KCNIP4: variants seen among roughly 807,000 people sequenced by gnomAD.
The protein encoded by KCNIP4 is Kv channel-interacting protein 4.
A neutral mutation model predicts 34.0 loss-of-function variants in KCNIP4; 12 were observed. The ratio of observed to expected loss-of-function variants is 0.35; its 90% confidence interval spans 0.23 to 0.57. KCNIP4 has a LOEUF of 0.57. KCNIP4 is among the 20% of genes least tolerant of loss of function. The pLI is 0.83. For missense variants in KCNIP4, 238 were observed against 311.7 expected, an observed-to-expected ratio of 0.76 and a Z score of 1.78; for synonymous variants, 124 against 102.2, an observed-to-expected ratio of 1.21 and a Z score of -1.29.
chr4:21,222,262 G>A (rs1270732014), intron 1 of KCNIP4, among the ~76,000 whole-genome samples: 2 of 110,398 alleles, frequency 1.8e-5, no homozygotes, highest in East Asian at 2.7e-4. Flanking sequence ...TCTGCCATGA[G>A]AGCAGGATGT....
chr4:21,460,665 C>A (rs1729386657), intron 1 of KCNIP4, among the ~76,000 whole-genome samples: 2 of 152,048 alleles, frequency 1.3e-5, no homozygotes, highest in Non-Finnish European at 2.9e-5. Context: ...AACTTCATGA[C>A]CTCATTTAAT....
chr4:21,205,800 T>C (rs1756813743), intron 1 of KCNIP4, among the ~76,000 whole-genome samples: 1 of 152,196 alleles, frequency 6.6e-6, no homozygotes, highest in Non-Finnish European at 1.5e-5. Flanking sequence ...TGTCTCCCAG[T>C]CCATGCTCCT....
chr4:21,808,826 T>C (rs1721454782), intron 1 of KCNIP4, among the ~76,000 whole-genome samples: 1 of 152,204 alleles, frequency 6.6e-6, no homozygotes, highest in African/African-American at 2.4e-5. Context: ...TTGTCTAATC[T>C]GCACTCAGCA....
rs1382961428 is a variant in KCNIP4 at position 20,728,946 on chromosome 4, A to AGCTAAATCATACTG, written c.*1122_*1135dup. On this transcript the variant is annotated 3_prime_UTR_variant, in exon 9 of 9. Transcript: ENST00000382152. Reference sequence around the variant, plus strand: ...ATTAAAAATAATCTGAATTATGATGAGCTAAATCATACTGTAATCTGGATT... The same window carrying AGCTAAATCATACTG: ...ATTAAAAATAATCTGAATTATGATGAGCTAAATCATACTGGCTAAATCATACTGTAATCTGGATT... The AGCTAAATCATACTG allele has an allele frequency of 6.6e-6, 1 of 152,112 alleles. No individual in the cohort carries two copies. The highest frequency in any genetic ancestry group is 1.5e-5 in the Non-Finnish European group (1 of 68,030). 9.4% of individuals were successfully genotyped at this position (152,112 alleles called of 1,614,324 possible).
intron 1 of KCNIP4, among the ~76,000 whole-genome samples, chr4:21,232,196 G>C (rs1328768996): frequency 1.3e-5 from 2 of 152,034 alleles, no homozygotes; most frequent in Non-Finnish European, 2.9e-5. Context: ...CCTTAACAAA[G>C]GCTTTAACTT....
intron 1 of KCNIP4, among the ~76,000 whole-genome samples, chr4:21,781,831 GA>G (rs1449044599): frequency 1.3e-5 from 2 of 152,082 alleles, no homozygotes; most frequent in African/African-American, 2.4e-5. Flanking sequence ...TGGGCTTAAA[GA>G]GAGGTAAAGT....
chr4:21,329,720 C>CA (rs1166007475), intron 1 of KCNIP4, among the ~76,000 whole-genome samples: 1 of 151,854 alleles, frequency 6.6e-6, no homozygotes, highest in Non-Finnish European at 1.5e-5. Flanking sequence ...TTTCCCAGGC[C>CA]AAAAAGAAAG....
chr4:21,423,147 T>C (rs1426621757), intron 1 of KCNIP4, among the ~76,000 whole-genome samples: 2 of 152,126 alleles, frequency 1.3e-5, no homozygotes, highest in Admixed American at 1.3e-4. Context: ...GATGAGATGA[T>C]CAGTAATATT....
At chr4:20,930,251 C>A (rs1730319870) in intron 1 of KCNIP4, among the ~76,000 whole-genome samples, 1 of 151,942 alleles carries the variant, frequency 6.6e-6, no homozygotes, top group Admixed American at 6.6e-5. Context: ...CAACAGGACA[C>A]CCTGAAGTAA....
intron 1 of KCNIP4, among the ~76,000 whole-genome samples, chr4:21,513,805 A>G (rs940645987): frequency 6.6e-6 from 1 of 152,220 alleles, no homozygotes; most frequent in African/African-American, 2.4e-5. Context: ...GAGGAATGAA[A>G]AGAATCCAAA....
chr4:20,846,539 T>C (rs1383106929), intron 3 of KCNIP4, among the ~76,000 whole-genome samples: 2 of 152,170 alleles, frequency 1.3e-5, no homozygotes, highest in African/African-American at 2.4e-5. Flanking sequence ...TAATGTAAAA[T>C]ATTTTTAATA....
intron 1 of KCNIP4, among the ~76,000 whole-genome samples, chr4:21,425,560 T>A (rs1725856192): frequency 2.6e-5 from 4 of 152,156 alleles, no homozygotes; most frequent in Admixed American, 2.6e-4. Flanking sequence ...AATATGCAAA[T>A]TTTTGGAAGA....
At chr4:21,246,213 C>A (rs1760192485) in intron 1 of KCNIP4, among the ~76,000 whole-genome samples, 1 of 152,108 alleles carries the variant, frequency 6.6e-6, no homozygotes, top group Non-Finnish European at 1.5e-5. Context: ...ACACCCTTTC[C>A]CTACACACAG....
At position 21,416,873 on chromosome 4, in the gene KCNIP4, T is replaced by C. The variant is rs145427501; in HGVS notation, c.61+531698A>G. Among the ~76,000 whole-genome samples, 115 of 152,302 alleles carry C rather than the reference T, an allele frequency of 7.6e-4. 2 individuals carry two copies. In the East Asian group the frequency reaches 0.021, roughly 28 times the overall value. On this transcript the variant is annotated intron_variant, in intron 1 of 8. Coordinates refer to ENST00000382152, the MANE Select transcript of KCNIP4 (RefSeq NM_025221.6). ...TTCAGGACTCAGACAGAAGACAGAA[T>C]CACATGCTTCCTAGACAGTGATGCC...
In KCNIP4 at chr4:21,627,196, C is replaced by T. The variant is rs529044194; in HGVS notation, c.61+321375G>A. ...ATAAACTTTTCCAATTACTTTGGCA[C>T]ACACATATGAATCTAGACCTTTTCA... On this transcript the variant is annotated intron_variant, in intron 1 of 8. Transcript: ENST00000382152. Among the ~76,000 whole-genome samples the T allele has an allele frequency of 1.4e-4, 21 of 152,244 alleles. No individual in the cohort carries two copies. The South Asian group carries it at 4.4e-3, about 32-fold the overall frequency.
At chr4:21,384,063 G>C (rs1721787824) in intron 1 of KCNIP4, among the ~76,000 whole-genome samples, 1 of 151,978 alleles carries the variant, frequency 6.6e-6, no homozygotes. Context: ...TCACAGCCTT[G>C]TACTTGTTCT....
chr4:21,229,172 C>T (rs1159488119), intron 1 of KCNIP4, among the ~76,000 whole-genome samples: 1 of 152,154 alleles, frequency 6.6e-6, no homozygotes, highest in Non-Finnish European at 1.5e-5. Context: ...CATCATTTCC[C>T]AGTGCCCTGA....
intron 1 of KCNIP4, among the ~76,000 whole-genome samples, chr4:21,474,817 A>C (rs182783226): frequency 6.6e-6 from 1 of 151,774 alleles, no homozygotes; most frequent in African/African-American, 2.4e-5. Context: ...CAACATGGTG[A>C]AACCCAGTCT....
At chr4:21,710,674 C>G (rs1384790488) in intron 1 of KCNIP4, among the ~76,000 whole-genome samples, 1 of 152,122 alleles carries the variant, frequency 6.6e-6, no homozygotes, top group Non-Finnish European at 1.5e-5. Context: ...CTGAGTCAGG[C>G]TTGTGTCTGG....
Sources: gnomAD v4.1 joint callset for allele counts (sites outside exome capture counted in the v4.1 genomes callset) on GRCh38, gnomAD v4.1.1 for gene constraint, MANE v1.5 for transcripts, NCBI Gene and HGNC (gene_info 2026-07-23, HGNC 2026-07-21) for gene names.